The following ELAVL2 variants were observed in gnomAD, a reference collection of about 807,000 sequenced individuals.
ELAVL2 encodes ELAV-like protein 2.
In ELAVL2, 4 loss-of-function variants were observed where a neutral mutation model predicts 34.6. The observed-to-expected ratio is 0.12, with a 90% CI of 0.06 to 0.26. The LOEUF (loss-of-function observed/expected upper bound fraction) is 0.26, where lower values mean the gene tolerates loss of function less well. Ranked by LOEUF, ELAVL2 falls within the 10% of genes least tolerant of loss-of-function variation. ELAVL2 has a pLI of 1.00. For synonymous variants in ELAVL2, 193 were observed against 154.8 expected, an observed-to-expected ratio of 1.25 and a Z score of -1.83; for missense variants, 432 against 442.8, an observed-to-expected ratio of 0.98 and a Z score of 0.22.
chr9:23,763,870 T>C (rs1022300536), intron 1 of ELAVL2, among the ~76,000 whole-genome samples: 6 of 152,164 alleles, frequency 3.9e-5, no homozygotes, highest in Non-Finnish European at 8.8e-5. Context: ...GGGAATTTAT[T>C]CTACAAGCTG....
intron 3 of ELAVL2, among the ~76,000 whole-genome samples, chr9:23,720,372 G>C (rs946805193): frequency 2.0e-5 from 3 of 151,610 alleles, no homozygotes; most frequent in African/African-American, 4.8e-5. Context: ...ATGGGGTTTC[G>C]TCATGTTGGC....
At position 23,808,389 on chromosome 9, in the gene ELAVL2, T is replaced by C. The variant is rs1376065912; in HGVS notation, c.-16+17417A>G. ...GTCTTAATACCTAAGGTAGTATATG[T>C]GGCATATAGCAAGATCACAAATATT... On this transcript the variant is annotated intron_variant, in intron 1 of 6. Transcript: ENST00000397312. Among the ~76,000 whole-genome samples the C allele has an allele frequency of 2.0e-5, 3 of 152,168 alleles. No homozygotes were observed. In the South Asian group the frequency reaches 6.2e-4, roughly 31 times the overall value.
At chr9:23,800,192 C>A (rs181676748) in intron 1 of ELAVL2, among the ~76,000 whole-genome samples, 7 of 152,172 alleles carry the variant, frequency 4.6e-5, no homozygotes, top group Admixed American at 2.6e-4. Flanking sequence ...TTCATTATTC[C>A]CATTCTGTAG....
chr9:23,779,250 TG>T (rs2058703663), intron 1 of ELAVL2: 1 of 985,338 alleles, frequency 1.0e-6, no homozygotes, highest in Non-Finnish European at 1.2e-6. Flanking sequence ...ACACTTTTTC[TG>T]CTGCTTTTGG....
intron 1 of ELAVL2, among the ~76,000 whole-genome samples, chr9:23,800,781 A>C (rs1445934781): frequency 1.3e-5 from 2 of 152,184 alleles, no homozygotes; most frequent in African/African-American, 4.8e-5. Context: ...TGACGTATGA[A>C]ATTTTTTATT....
In ELAVL2 at chr9:23,702,951, C is replaced by CAAAAAAAAAAAAAAAAAAAAAAAAAAAAA. The variant is rs58828236; in HGVS notation, c.488-1376_488-1348dup. 5.5e-4 allele frequency among the ~76,000 whole-genome samples: 26 copies of CAAAAAAAAAAAAAAAAAAAAAAAAAAAAA among 47,648 alleles called. 6 individuals carry two copies. The highest frequency in any genetic ancestry group is 1.8e-3 in the South Asian group (1 of 566). The allele number at this position is 47,648 out of a possible 152,430, so 31.3% of individuals were successfully genotyped here. A position where few individuals can be genotyped will look rare whatever the true frequency, so the allele number is the denominator to read the frequency against. ...TTCCATTAGAAAAGCATCAGATTAGCAAAAAAAAAAAAAAAAAAAAAAAAA... is the reference window on the plus strand; with the variant it reads ...TTCCATTAGAAAAGCATCAGATTAGCAAAAAAAAAAAAAAAAAAAAAAAAAAAAAAAAAAAAAAAAAAAAAAAAAAAAAA... On this transcript the variant is annotated intron_variant, in intron 4 of 6. Transcript: ENST00000397312.
intron 1 of ELAVL2, among the ~76,000 whole-genome samples, chr9:23,765,765 A>C (rs900434199): frequency 6.6e-6 from 1 of 152,186 alleles, no homozygotes; most frequent in Non-Finnish European, 1.5e-5. Flanking sequence ...GGACCGATAA[A>C]TAGGATTGTT....
At chr9:23,693,610 G>T in intron 5 of ELAVL2, 124 bp from the exon 6 acceptor site, 1 of 1,173,934 alleles carries the variant, frequency 8.5e-7, no homozygotes. Flanking sequence ...TGAAGACTCA[G>T]AATGCTGGGT....
At chr9:23,846,000 C>T in the ELAVL2 span, among the ~76,000 whole-genome samples, 1 of 151,662 alleles carries the variant, frequency 6.6e-6, no homozygotes, top group Non-Finnish European at 1.5e-5. Flanking sequence ...AATGAATTAC[C>T]TTGATAAAAT....
At chr9:23,708,261 G>A (rs2039954054) in intron 3 of ELAVL2, among the ~76,000 whole-genome samples, 1 of 152,098 alleles carries the variant, frequency 6.6e-6, no homozygotes, top group Non-Finnish European at 1.5e-5. Flanking sequence ...TACATTTAGG[G>A]CATTATGAGA....
intron 1 of ELAVL2, chr9:23,779,323 A>T: frequency 1.0e-6 from 1 of 985,484 alleles, no homozygotes; most frequent in South Asian, 4.7e-5. Context: ...AGACAGAGGA[A>T]CAAAGGCAAT....
the ELAVL2 span, among the ~76,000 whole-genome samples, chr9:23,842,805 G>T: frequency 1.3e-5 from 2 of 152,116 alleles, no homozygotes; most frequent in African/African-American, 4.8e-5. Flanking sequence ...ATGCTCAACT[G>T]ACTCTTGAGT....
intron 1 of ELAVL2, among the ~76,000 whole-genome samples, chr9:23,802,605 T>C (rs2061701646): frequency 6.6e-6 from 1 of 152,184 alleles, no homozygotes; most frequent in Non-Finnish European, 1.5e-5. Flanking sequence ...ATTAGGCTAA[T>C]CCAGTGGTTC....
chr9:23,696,884 G>T (rs994812656), intron 5 of ELAVL2, among the ~76,000 whole-genome samples: 1 of 150,068 alleles, frequency 6.7e-6, no homozygotes, highest in South Asian at 2.1e-4. Flanking sequence ...ACATATGGAA[G>T]GTAAATATTA....
chr9:23,801,106 A>G (rs534555196), intron 1 of ELAVL2, among the ~76,000 whole-genome samples: 1 of 152,324 alleles, frequency 6.6e-6, no homozygotes, highest in African/African-American at 2.4e-5. Context: ...GAGCTACCTA[A>G]CAGACACAGA....
chr9:23,779,220 TAAA>T lies in ELAVL2; in HGVS notation c.-15-16974_-15-16972del, dbSNP rs990433456. 3 of 985,246 alleles carry T rather than the reference TAAA, an allele frequency of 3.0e-6. No homozygotes were observed. In the African/African-American group the frequency reaches 5.2e-5, roughly 17 times the overall value. 61.0% of individuals were successfully genotyped at this position (985,246 alleles called of 1,614,324 possible). A position where few individuals can be genotyped will look rare whatever the true frequency, so the allele number is the denominator to read the frequency against. On this transcript the variant is annotated intron_variant, in intron 1 of 6. Transcript: ENST00000397312. Reference sequence around the variant, plus strand: ...GGTAAGTGGGGAAGGAACTGAAGGGTAAATAAGAGGTCTTACTTCACACTTTTT... The same window carrying T: ...GGTAAGTGGGGAAGGAACTGAAGGGTTAAGAGGTCTTACTTCACACTTTTT...
intron 1 of ELAVL2, among the ~76,000 whole-genome samples, chr9:23,805,690 CT>C (rs1313065923): frequency 6.6e-6 from 1 of 152,192 alleles, no homozygotes; most frequent in African/African-American, 2.4e-5. Flanking sequence ...ACCTCAACTT[CT>C]CTATCTGCTT....
intron 5 of ELAVL2, among the ~76,000 whole-genome samples, chr9:23,693,730 G>C (rs969147928): frequency 1.3e-5 from 2 of 152,188 alleles, no homozygotes; most frequent in Non-Finnish European, 2.9e-5. Flanking sequence ...GGTCATCTGA[G>C]GATACCTTTC....
chr9:23,770,936 C>T lies in ELAVL2; in HGVS notation c.-15-8687G>A, dbSNP rs374198268. ...GCTGTGCAGAATGACAAGGAGATAACAGGGAGAGTAGGAGGAGATGAGTCT... is the reference window on the plus strand; with the variant it reads ...GCTGTGCAGAATGACAAGGAGATAATAGGGAGAGTAGGAGGAGATGAGTCT... On this transcript the variant is annotated intron_variant, in intron 1 of 6. Coordinates refer to ENST00000397312, the MANE Select transcript of ELAVL2 (RefSeq NM_004432.5). 1.5e-4 allele frequency among the ~76,000 whole-genome samples: 23 copies of T among 152,268 alleles called. No individual in the cohort carries two copies. The East Asian group carries it at 4.0e-3, about 27-fold the overall frequency.
Sources: allele counts gnomAD v4.1 joint callset (sites outside exome capture counted in the v4.1 genomes callset), GRCh38; gene constraint gnomAD v4.1.1; transcripts MANE v1.5; gene names NCBI Gene and HGNC (gene_info 2026-07-23, HGNC 2026-07-21).